Variants in LEMD3 observed in about 807,000 individuals in gnomAD.
LEMD3 encodes the protein inner nuclear membrane protein Man1.
In LEMD3, 33 loss-of-function variants were observed where a neutral mutation model predicts 95.2. That is an observed-to-expected ratio of 0.35 (90% CI 0.26 to 0.46). The LOEUF is 0.46. Among genes scored for constraint, LEMD3 ranks in the 20% least tolerant of loss-of-function variants. The pLI is 1.00. For missense variants in LEMD3, 1,210 were observed against 1,192.8 expected (o/e 1.01, Z -0.21); for synonymous variants, 525 against 474.6 (o/e 1.11, Z -1.38).
chr12:65,186,758 T>A (rs1869079909), intron 1 of LEMD3, among the ~76,000 whole-genome samples: 1 of 150,856 alleles, frequency 6.6e-6, no homozygotes, highest in Non-Finnish European at 1.5e-5. Context: ...TGAAGAACCA[T>A]AGTACAAACA....
intron 4 of LEMD3, among the ~76,000 whole-genome samples, chr12:65,231,041 C>T (rs866792633): frequency 5.3e-5 from 8 of 151,890 alleles, no homozygotes; most frequent in South Asian, 2.1e-4. Flanking sequence ...GTTTCATATT[C>T]GGTTTTGTCT....
At chr12:65,217,082 A>G (rs1870132975) in intron 3 of LEMD3, among the ~76,000 whole-genome samples, 1 of 152,198 alleles carries the variant, frequency 6.6e-6, no homozygotes. Flanking sequence ...AGTATGGTTC[A>G]TGGCCAGCTA....
At position 65,170,176 on chromosome 12, in the gene LEMD3, C is replaced by T; in HGVS notation, c.580C>T (p.His194Tyr). ...NSNSAERRKP[H>Y]SWWGARRPAG... ...CAACTCTGCAGAGCGAAGGAAGCCC[C>T]ACTCGTGGTGGGGGGCCAGGAGGCC... Residue 194 changes from histidine to tyrosine, a missense_variant, in exon 1 of 13, where the codon CAC becomes TAC. This residue lies in a region of LEMD3 where 749 missense variants were observed against 622.9 expected (regional missense o/e 1.20). Transcript: ENST00000308330. The T allele has an allele frequency of 6.7e-7, 1 of 1,496,374 alleles. No homozygotes were observed. The highest frequency in any genetic ancestry group is 1.4e-5 in the South Asian group (1 of 73,180). 92.7% of individuals were successfully genotyped at this position (1,496,374 alleles called of 1,614,324 possible). A position where few individuals can be genotyped will look rare whatever the true frequency, so the allele number is the denominator to read the frequency against.
intron 2 of LEMD3, among the ~76,000 whole-genome samples, chr12:65,212,087 G>T (rs934736601): frequency 6.6e-6 from 1 of 151,958 alleles, no homozygotes; most frequent in Non-Finnish European, 1.5e-5. Flanking sequence ...CGTGGCGGAA[G>T]GTGAAAGTCA....
At position 65,170,398 on chromosome 12, in the gene LEMD3, G is replaced by A. The variant is rs1868491396; in HGVS notation, c.802G>A (p.Asp268Asn). ...GGACTCAGAGGAAGAGGACGACGAC[G>A]ACGTGGCCTCCAGCAGACAGGTATT... ...YSDSEEEDDD[D>N]VASSRQVLKD... Residue 268 changes from aspartate (D) to asparagine (N), a missense_variant, in exon 1 of 13, where the codon GAC (aspartate) becomes AAC (asparagine). Coordinates refer to ENST00000308330, the MANE Select transcript of LEMD3 (RefSeq NM_014319.5). 3 of 1,613,974 alleles carry A rather than the reference G, an allele frequency of 1.9e-6. No individual in the cohort carries two copies. Among genetic ancestry groups the A allele is most frequent in the African/African-American group, 1.3e-5 (1 of 74,910 alleles).
intron 4 of LEMD3, among the ~76,000 whole-genome samples, chr12:65,228,479 T>C (rs1424254293): frequency 6.6e-6 from 1 of 151,564 alleles, no homozygotes; most frequent in Non-Finnish European, 1.5e-5. Context: ...CACCGCAAGC[T>C]CTCCTTCCCA....
At chr12:65,244,054 T>G (rs931049174) in intron 10 of LEMD3, among the ~76,000 whole-genome samples, 1 of 152,210 alleles carries the variant, frequency 6.6e-6, no homozygotes, top group Non-Finnish European at 1.5e-5. Context: ...TAATAGTTCT[T>G]AGAATTAGCT....
Position 65,241,063 on chromosome 12 carries a change from C to T in LEMD3, c.2281C>T (p.Pro761Ser), listed in dbSNP as rs747674456. Residue 761 changes from proline (P) to serine (S), a missense_variant, in exon 9 of 13, where the codon CCT (proline) becomes TCT (serine). By Grantham distance (74) the Pro-to-Ser change is moderately conservative. Coordinates refer to ENST00000308330, the MANE Select transcript of LEMD3 (RefSeq NM_014319.5). The stretch of plus-strand genomic sequence containing the variant: ...ATCCTGTGACAAAATATTAGTTATA[C>T]CTTCTAAAGTATGGCAAGGTCAAGG... ...SASCDKILVIPSKVWQGQAFH... is the reference protein window; with the variant it reads ...SASCDKILVISSKVWQGQAFH... The T allele has an allele frequency of 6.2e-7, 1 of 1,613,784 alleles. No individual in the cohort carries two copies. Among genetic ancestry groups the T allele is most frequent in the Non-Finnish European group, 8.5e-7 (1 of 1,179,790 alleles).
At chr12:65,182,689 A>G (rs1056033531) in intron 1 of LEMD3, among the ~76,000 whole-genome samples, 3 of 152,186 alleles carry the variant, frequency 2.0e-5, no homozygotes, top group African/African-American at 7.2e-5. Flanking sequence ...CTGATCACTA[A>G]AAGGTAGATT....
chr12:65,197,687 A>G (rs1312269484), intron 1 of LEMD3, among the ~76,000 whole-genome samples: 1 of 152,108 alleles, frequency 6.6e-6, no homozygotes, highest in African/African-American at 2.4e-5. Context: ...CATTTCTCAT[A>G]AAGTCAATGA....
At chr12:65,191,618 G>A (rs1461627495) in intron 1 of LEMD3, among the ~76,000 whole-genome samples, 2 of 152,080 alleles carry the variant, frequency 1.3e-5, no homozygotes, top group East Asian at 1.9e-4. Flanking sequence ...GGAAACTACC[G>A]AAGTTAGTTC....
chr12:65,174,736 A>G (rs1047995274), intron 1 of LEMD3, among the ~76,000 whole-genome samples: 1 of 152,152 alleles, frequency 6.6e-6, no homozygotes, highest in Admixed American at 6.5e-5. Flanking sequence ...CAGCAGGGAT[A>G]TGTGGTGAAC....
At chr12:65,234,547 A>C (rs1484916080) in intron 4 of LEMD3, among the ~76,000 whole-genome samples, 1 of 152,122 alleles carries the variant, frequency 6.6e-6, no homozygotes, top group African/African-American at 2.4e-5. Flanking sequence ...ACACCCCATT[A>C]AGTCCTTAAT....
chr12:65,217,476 A>T (rs963588492), intron 3 of LEMD3, among the ~76,000 whole-genome samples: 1 of 152,326 alleles, frequency 6.6e-6, no homozygotes, highest in East Asian at 1.9e-4. Flanking sequence ...TAAAATGATT[A>T]CTTGAACAAA....
intron 1 of LEMD3, among the ~76,000 whole-genome samples, chr12:65,203,282 G>A (rs1017134854): frequency 1.3e-5 from 1 of 76,810 alleles, no homozygotes; most frequent in African/African-American, 4.4e-5. Context: ...TCCAATAATG[G>A]AACACTAGAC....
chr12:65,202,845 C>G (rs1191639036), intron 1 of LEMD3, among the ~76,000 whole-genome samples: 1 of 152,070 alleles, frequency 6.6e-6, no homozygotes, highest in Non-Finnish European at 1.5e-5. Context: ...TAGAGTTGTT[C>G]ACAGTATTCT....
At chr12:65,190,490 C>T (rs56071846) in intron 1 of LEMD3, among the ~76,000 whole-genome samples, 2,599 of 152,262 alleles carry the variant, frequency 0.017, 68 homozygotes, top group African/African-American at 0.06. Flanking sequence ...GTCTCTGCAA[C>T]CCCTTCCTTT....
chr12:65,207,321 A>C (rs1054088856), intron 1 of LEMD3, among the ~76,000 whole-genome samples: 2 of 152,104 alleles, frequency 1.3e-5, no homozygotes, highest in Non-Finnish European at 2.9e-5. Flanking sequence ...CAGTATCTGC[A>C]AAGGCATTGA....
At chr12:65,219,330 T>C (rs569117530) in intron 4 of LEMD3, among the ~76,000 whole-genome samples, 28 of 152,220 alleles carry the variant, frequency 1.8e-4, no homozygotes, top group Non-Finnish European at 3.4e-4. Flanking sequence ...AAAATCTTAA[T>C]GAAAGGTAGT....
Sources: allele counts gnomAD v4.1 joint callset (sites outside exome capture counted in the v4.1 genomes callset), GRCh38; gene constraint gnomAD v4.1.1; regional missense constraint gnomAD v4.1.1; transcripts MANE v1.5; gene names NCBI Gene and HGNC (gene_info 2026-07-23, HGNC 2026-07-21).